PXN: variants seen among roughly 807,000 people sequenced by gnomAD.
PXN encodes testicular tissue protein Li 134.
Under a neutral mutation model 103.6 loss-of-function variants are expected in PXN, and 61 were observed. The observed-to-expected ratio is 0.59, with a 90% CI of 0.48 to 0.73. PXN has a LOEUF of 0.73. Ranked by LOEUF, PXN falls within the 30% of genes least tolerant of loss-of-function variation. PXN has a pLI of 0.00. For synonymous variants in PXN, 562 were observed against 607.8 expected (o/e 0.92, Z 1.11); for missense variants, 1,274 against 1,460.3 (o/e 0.87, Z 2.08).
At position 120,224,033 on chromosome 12, in the gene PXN, T is replaced by C; in HGVS notation, c.240+118A>G. On this transcript the variant is annotated intron_variant, in intron 2 of 14. Coordinates refer to ENST00000637617, the MANE Select transcript of PXN (RefSeq NM_001385981.1). This position sits in a 1 kb window ranked among gnomAD's most constrained non-coding sequence, Gnocchi z 5.0. ...GGTGAGTGGGAAGAGCAGTGTCTGGTTGGGAAGGGTCGACTGCCCCAATTC... is the reference window on the plus strand; with the variant it reads ...GGTGAGTGGGAAGAGCAGTGTCTGGCTGGGAAGGGTCGACTGCCCCAATTC... The C allele has an allele frequency of 2.3e-6, 2 of 877,658 alleles. No homozygotes were observed. The highest frequency in any genetic ancestry group is 3.5e-6 in the Non-Finnish European group (2 of 577,804). The allele number at this position is 877,658 out of a possible 1,614,324, so 54.4% of individuals were successfully genotyped here. A position where few individuals can be genotyped will look rare whatever the true frequency, so the allele number is the denominator to read the frequency against.
chr12:120,216,035 CG>C lies in PXN; in HGVS notation c.2301+237del. ...GCCCGGGGCAGTACTGAGGACCAGT[CG>C]AGGAAGGAGCAGACATGGGTGGACC... On this transcript the variant is annotated intron_variant, in intron 9 of 14. Coordinates refer to ENST00000637617, the MANE Select transcript of PXN (RefSeq NM_001385981.1). The surrounding 1 kb of genome is among the most constrained non-coding windows in gnomAD (Gnocchi z 5.1). 7.6e-7 allele frequency: 1 copy of C among 1,317,026 alleles called. No homozygotes were observed. The allele number at this position is 1,317,026 out of a possible 1,614,324, so 81.6% of individuals were successfully genotyped here.
At chr12:120,240,814 G>C (rs1468576947) in intron 1 of PXN, among the ~76,000 whole-genome samples, 1 of 152,110 alleles carries the variant, frequency 6.6e-6, no homozygotes, top group Non-Finnish European at 1.5e-5. Context: ...AACCCACCCA[G>C]GACTGACTCC....
intron 1 of PXN, among the ~76,000 whole-genome samples, chr12:120,256,112 A>G: frequency 6.6e-6 from 1 of 152,020 alleles, no homozygotes; most frequent in Non-Finnish European, 1.5e-5. Context: ...GCAGAAAAGT[A>G]AAAAGAGGGA....
chr12:120,227,210 T>A (rs1887049859), intron 1 of PXN: 1 of 960,486 alleles, frequency 1.0e-6, no homozygotes, highest in African/African-American at 1.8e-5. Context: ...TACAAAAAAT[T>A]TAAAAATTAG....
chr12:120,213,781 A>G lies in PXN; in HGVS notation c.2979+61T>C, dbSNP rs1049003316. 2 of 1,559,380 alleles carry G rather than the reference A, an allele frequency of 1.3e-6. No individual in the cohort carries two copies. ...TTGGATCCAGACAGCACAATGAGGAAGACCCCTCTCTCCCCACTGCCTGCT... is the reference window on the plus strand; with the variant it reads ...TTGGATCCAGACAGCACAATGAGGAGGACCCCTCTCTCCCCACTGCCTGCT... On this transcript the variant is annotated intron_variant, in intron 14 of 14. Transcript: ENST00000637617. This position sits in a 1 kb window ranked among gnomAD's most constrained non-coding sequence, Gnocchi z 4.2.
chr12:120,248,248 G>C (rs987908521), intron 1 of PXN, among the ~76,000 whole-genome samples: 1 of 152,066 alleles, frequency 6.6e-6, no homozygotes, highest in Non-Finnish European at 1.5e-5. Flanking sequence ...CGGTAGAAGA[G>C]GGGGCTGGAG....
Position 120,221,970 on chromosome 12 carries a change from C to T in PXN, c.696-212G>A, listed in dbSNP as rs138928025. On this transcript the variant is annotated intron_variant, in intron 5 of 14. Coordinates refer to ENST00000637617, the MANE Select transcript of PXN (RefSeq NM_001385981.1). The surrounding 1 kb of genome is among the most constrained non-coding windows in gnomAD (Gnocchi z 6.6). The stretch of plus-strand genomic sequence containing the variant: ...GAAGTGCCAGGAAGACTCCTCTAGC[C>T]CCCAGCCCAAGTGAAAGCTGGCCTG... Among the ~76,000 whole-genome samples the T allele has an allele frequency of 6.6e-6, 1 of 152,144 alleles. No individual in the cohort carries two copies. The highest frequency in any genetic ancestry group is 1.5e-5 in the Non-Finnish European group (1 of 68,016).
At chr12:120,246,690 T>G (rs1443988987) in intron 1 of PXN, among the ~76,000 whole-genome samples, 1 of 150,562 alleles carries the variant, frequency 6.6e-6, no homozygotes, top group Non-Finnish European at 1.5e-5. Flanking sequence ...CTGTCTCTAC[T>G]AAAAATACAA....
intron 1 of PXN, among the ~76,000 whole-genome samples, chr12:120,257,926 C>T (rs1893267827): frequency 6.6e-6 from 1 of 152,226 alleles, no homozygotes; most frequent in African/African-American, 2.4e-5. Flanking sequence ...GGCACCGTGG[C>T]TCACACCTGT....
intron 1 of PXN, among the ~76,000 whole-genome samples, chr12:120,243,542 A>C (rs547365600): frequency 6.6e-6 from 1 of 152,310 alleles, no homozygotes; most frequent in South Asian, 2.1e-4. Context: ...ATTTTTAAAA[A>C]TTCGCCAGGT....
chr12:120,264,026 G>GA (rs1054569587), intron 1 of PXN, among the ~76,000 whole-genome samples: 63 of 146,722 alleles, frequency 4.3e-4, no homozygotes, highest in South Asian at 1.1e-3. Flanking sequence ...ATTTTTATGT[G>GA]AAAAAAAAAA....
chr12:120,244,097 G>T (rs1151828), intron 1 of PXN, among the ~76,000 whole-genome samples: 4,571 of 150,734 alleles, frequency 0.03, 191 homozygotes, highest in East Asian at 0.1. Flanking sequence ...CCCGGTGAGG[G>T]AGAGCAACAC....
In PXN at chr12:120,215,245, C is replaced by T; in HGVS notation, c.2432G>A (p.Ser811Asn). 1.3e-6 allele frequency: 2 copies of T among 1,589,316 alleles called. No homozygotes were observed. The highest frequency in any genetic ancestry group is 2.3e-5 in the South Asian group (2 of 87,618). The change falls in exon 11 of 15, where the codon AGC becomes AAC. Residue 811 changes from serine to asparagine, a missense_variant. By Grantham distance (46) the Ser-to-Asn change is conservative (BLOSUM62 1). This residue lies in a region of PXN where 1,178 missense variants were observed against 1,309.0 expected (regional missense o/e 0.90). Transcript: ENST00000637617. The surrounding 1 kb of genome is among the most constrained non-coding windows in gnomAD (Gnocchi z 4.9). The part of the protein sequence containing the change: ...GFMAQGKTGS[S>N]SPPGGPPKPG... ...CTTCGGGGGCCCCCCAGGGGGTGAG[C>T]TGCTCCCTGTCTTCCCCTGGGCCAT...
chr12:120,219,317 C>T lies in PXN; in HGVS notation c.1606G>A (p.Glu536Lys), dbSNP rs777482890. Residue 536 changes from glutamate (E) to lysine (K), a missense_variant, in exon 7 of 15, where the codon GAG becomes AAG. Glu to Lys is a moderately conservative substitution (Grantham distance 56). Coordinates refer to ENST00000637617, the MANE Select transcript of PXN (RefSeq NM_001385981.1). The surrounding 1 kb of genome is among the most constrained non-coding windows in gnomAD (Gnocchi z 6.5). ...TQGPETPRSP[E>K]GTTEAATQDG... Reference sequence around the variant, plus strand: ...TGGGTGGCAGCTTCCGTGGTGCCCTCTGGGCTCCTTGGGGTTTCAGGTCCC... The same window carrying T: ...TGGGTGGCAGCTTCCGTGGTGCCCTTTGGGCTCCTTGGGGTTTCAGGTCCC... The T allele has an allele frequency of 6.3e-7, 1 of 1,598,444 alleles. No individual in the cohort carries two copies. The highest frequency in any genetic ancestry group is 8.5e-7 in the Non-Finnish European group (1 of 1,179,808).
At chr12:120,236,188 G>A (rs1889000271) in intron 1 of PXN, among the ~76,000 whole-genome samples, 1 of 152,226 alleles carries the variant, frequency 6.6e-6, no homozygotes, top group African/African-American at 2.4e-5. Context: ...ACAACACGCT[G>A]GGGAAACACA....
At position 120,258,628 on chromosome 12, in the gene PXN, A is replaced by G. The variant is rs370344946; in HGVS notation, c.13+6989T>C. On this transcript the variant is annotated intron_variant, in intron 1 of 14. Coordinates refer to ENST00000637617, the MANE Select transcript of PXN (RefSeq NM_001385981.1). ...CAACTTTTCATTATAAAAATGTCTA[A>G]GCACACAGAGAAGTTGAGAGGCCCG... Among the ~76,000 whole-genome samples, 274 of 152,352 alleles carry G rather than the reference A, an allele frequency of 1.8e-3. 1 individual carries two copies. The highest frequency in any genetic ancestry group is 6.2e-3 in the African/African-American group (259 of 41,568).
intron 1 of PXN, among the ~76,000 whole-genome samples, chr12:120,245,211 G>A (rs1008162857): frequency 2.9e-4 from 44 of 152,028 alleles, no homozygotes; most frequent in African/African-American, 1.1e-3. Context: ...TGGAATGTGC[G>A]ATTTTCTCAA....
chr12:120,262,046 C>G (rs561429830), intron 1 of PXN, among the ~76,000 whole-genome samples: 1 of 152,300 alleles, frequency 6.6e-6, no homozygotes, highest in East Asian at 1.9e-4. Context: ...CAGCTGGGTG[C>G]CCTGACTCTG....
rs1361087604 is a variant in PXN at position 120,215,417 on chromosome 12, C to T, written c.2403+143G>A. The T allele has an allele frequency of 6.9e-7, 1 of 1,450,064 alleles. No homozygotes were observed. Among genetic ancestry groups the T allele is most frequent in the Non-Finnish European group, 9.1e-7 (1 of 1,102,448 alleles). 89.8% of individuals were successfully genotyped at this position (1,450,064 alleles called of 1,614,324 possible). On this transcript the variant is annotated intron_variant, in intron 10 of 14. Coordinates refer to ENST00000637617, the MANE Select transcript of PXN (RefSeq NM_001385981.1). The surrounding 1 kb of genome is among the most constrained non-coding windows in gnomAD (Gnocchi z 4.9). ...ACAACCTCCTCCAGGGGCCAGGAGC[C>T]CTAAAGTGGGAGTGACGTCAGCAGG...
Sources: gnomAD v4.1 joint callset for allele counts (sites outside exome capture counted in the v4.1 genomes callset) on GRCh38, gnomAD v4.1.1 for gene constraint, gnomAD v4.1.1 regional missense constraint, Gnocchi (gnomAD v3.1) non-coding constraint, MANE v1.5 for transcripts, NCBI Gene and HGNC (gene_info 2026-07-23, HGNC 2026-07-21) for gene names.